Variants in PTPN2 observed in about 807,000 individuals in gnomAD.
The protein encoded by PTPN2 is protein tyrosine phosphatase non-receptor type 2, also known as tyrosine-protein phosphatase non-receptor type 2.
Under a neutral mutation model 57.3 loss-of-function variants are expected in PTPN2, and 19 were observed. That is an observed-to-expected ratio of 0.33 (90% CI 0.23 to 0.49). The LOEUF is 0.49. Among genes scored for constraint, PTPN2 ranks in the 20% least tolerant of loss-of-function variants. PTPN2 has a pLI of 0.99. For synonymous variants in PTPN2, 153 were observed against 164.9 expected (o/e 0.93, Z 0.55); for missense variants, 358 against 501.1 (o/e 0.71, Z 2.73).
In PTPN2 at chr18:12,814,241, C is replaced by T; in HGVS notation, c.820G>A (p.Glu274Lys). 6.2e-7 allele frequency: 1 copy of T among 1,604,750 alleles called. No individual in the cohort carries two copies. ...TCTCCCTTTATACATTTTGCTCCTT[C>T]TATTATAGCCATGTATGAGAATCTC... The part of the protein sequence containing the change: ...QLRFSYMAII[E>K]GAKCIKGDSS... The change falls in exon 7 of 9, where the codon GAA becomes AAA. Residue 274 changes from glutamate (E) to lysine (K), a missense_variant. Glu to Lys is a moderately conservative substitution (Grantham distance 56, BLOSUM62 1). Transcript: ENST00000309660.
At chr18:12,867,442 GTAC>G (rs2044032478) in intron 1 of PTPN2, among the ~76,000 whole-genome samples, 2 of 151,964 alleles carry the variant, frequency 1.3e-5, no homozygotes, top group Non-Finnish European at 2.9e-5. Context: ...AACAGTATCA[GTAC>G]TTTTTTTTTT....
At chr18:12,822,344 C>G (rs1364370801) in intron 5 of PTPN2, among the ~76,000 whole-genome samples, 1 of 152,030 alleles carries the variant, frequency 6.6e-6, no homozygotes, top group East Asian at 1.9e-4. Flanking sequence ...TAAAGCGGGC[C>G]AACATTACAG....
Position 12,872,516 on chromosome 18 carries a change from CA to C in PTPN2, c.69+11556del, listed in dbSNP as rs536126416. ...CCATTCCTCTCGTTTGAAAAGTATCCAACCTTGAGCCAGTTTCTTTGTTTTG... is the reference window on the plus strand; with the variant it reads ...CCATTCCTCTCGTTTGAAAAGTATCCACCTTGAGCCAGTTTCTTTGTTTTG... On this transcript the variant is annotated intron_variant, in intron 1 of 8. Transcript: ENST00000309660. 5.6e-4 allele frequency among the ~76,000 whole-genome samples: 85 copies of C among 152,244 alleles called. 1 individual carries two copies. The highest frequency in any genetic ancestry group is 1.0e-3 in the Non-Finnish European group (68 of 68,022).
At chr18:12,855,295 G>A (rs2043547309) in intron 2 of PTPN2, among the ~76,000 whole-genome samples, 1 of 152,010 alleles carries the variant, frequency 6.6e-6, no homozygotes, top group South Asian at 2.1e-4. Context: ...TGGGGGCTGG[G>A]GTAGGATATA....
At chr18:12,791,948 G>A (rs2040995842), downstream of PTPN2, among the ~76,000 whole-genome samples, 1 of 152,220 alleles carries the variant, frequency 6.6e-6, no homozygotes, top group Non-Finnish European at 1.5e-5. Context: ...GTGACTTGCA[G>A]AGTAACATAA....
intron 5 of PTPN2, among the ~76,000 whole-genome samples, chr18:12,822,015 G>C (rs763637382): frequency 2.0e-5 from 3 of 152,134 alleles, no homozygotes; most frequent in Non-Finnish European, 4.4e-5. Flanking sequence ...GATTTACATA[G>C]AGAGATGTAT....
intron 7 of PTPN2, among the ~76,000 whole-genome samples, chr18:12,809,500 G>C (rs1389113545): frequency 6.6e-6 from 1 of 152,220 alleles, no homozygotes; most frequent in African/African-American, 2.4e-5. Flanking sequence ...GTATCTGCCA[G>C]TGGCAAGTGG....
At chr18:12,828,369 A>G (rs2145363524) in intron 4 of PTPN2, among the ~76,000 whole-genome samples, 1 of 152,348 alleles carries the variant, frequency 6.6e-6, no homozygotes, top group South Asian at 2.1e-4. Flanking sequence ...CAAGAGATGT[A>G]AGGGAGAGAC....
chr18:12,850,308 C>T (rs1161117945), intron 2 of PTPN2, among the ~76,000 whole-genome samples: 1 of 151,962 alleles, frequency 6.6e-6, no homozygotes, highest in Admixed American at 6.6e-5. Flanking sequence ...CTGGCCAACA[C>T]AGTGAAACTG....
At chr18:12,806,221 T>C (rs2041645192) in intron 7 of PTPN2, among the ~76,000 whole-genome samples, 1 of 152,056 alleles carries the variant, frequency 6.6e-6, no homozygotes, top group Non-Finnish European at 1.5e-5. Context: ...AATTCCATTT[T>C]CAAAAAAATT....
intron 4 of PTPN2, among the ~76,000 whole-genome samples, chr18:12,826,865 G>A (rs754872424): frequency 1.8e-4 from 28 of 151,786 alleles, no homozygotes; most frequent in Admixed American, 2.0e-4. Context: ...CACCATGTCC[G>A]GTCTTATAAG....
intron 2 of PTPN2, among the ~76,000 whole-genome samples, chr18:12,843,270 T>C (rs1422959251): frequency 6.6e-6 from 1 of 152,154 alleles, no homozygotes; most frequent in East Asian, 1.9e-4. Context: ...TCAAAATCAG[T>C]GGCTCGAATG....
chr18:12,847,340 T>C (rs2043244466), intron 2 of PTPN2, among the ~76,000 whole-genome samples: 1 of 152,242 alleles, frequency 6.6e-6, no homozygotes, highest in African/African-American at 2.4e-5. Flanking sequence ...TAACCTGATA[T>C]TCACCAGTGC....
At chr18:12,847,216 T>A (rs1401686352) in intron 2 of PTPN2, among the ~76,000 whole-genome samples, 2 of 152,198 alleles carry the variant, frequency 1.3e-5, no homozygotes, top group African/African-American at 4.8e-5. Context: ...ACAAATATTC[T>A]CTAGAAGATC....
intron 2 of PTPN2, among the ~76,000 whole-genome samples, chr18:12,847,384 T>C (rs1488318300): frequency 6.6e-6 from 1 of 152,212 alleles, no homozygotes; most frequent in African/African-American, 2.4e-5. Flanking sequence ...TTCTATATTT[T>C]GGGCTTAACA....
At position 12,794,299 on chromosome 18, in the gene PTPN2, A is replaced by C; in HGVS notation, c.1227T>G (p.Phe409Leu). 2.5e-6 allele frequency: 4 copies of C among 1,614,238 alleles called. No individual in the cohort carries two copies. Among genetic ancestry groups the C allele is most frequent in the Non-Finnish European group, 3.4e-6 (4 of 1,180,044 alleles). Reference protein sequence around the residue: ...LVGAFVGWTLFFQQNAL With the variant: ...LVGAFVGWTLLFQQNAL ...TTGTTTATAGGGCATTTTGCTGAAA[A>C]AACAGTGTCCAGCCAACAAAAGCGC... Residue 409 changes from phenylalanine to leucine, a missense_variant, in exon 9 of 9, where the codon TTT becomes TTG. By Grantham distance (22) the Phe-to-Leu change is conservative. This residue lies in a region of PTPN2 where 96 missense variants were observed against 110.8 expected (regional missense o/e 0.87). Transcript: ENST00000309660.
At chr18:12,828,099 A>T (rs2042542089) in intron 4 of PTPN2, among the ~76,000 whole-genome samples, 1 of 152,204 alleles carries the variant, frequency 6.6e-6, no homozygotes, top group Non-Finnish European at 1.5e-5. Flanking sequence ...CTTTGGTGGA[A>T]TACCAGAAGG....
intron 1 of PTPN2, among the ~76,000 whole-genome samples, chr18:12,870,495 A>G (rs1321195322): frequency 5.2e-5 from 5 of 95,892 alleles, no homozygotes; most frequent in Non-Finnish European, 5.6e-5. Context: ...AGAGAGAGAG[A>G]GAGAAAAGCG....
At chr18:12,812,398 G>C (rs921446965) in intron 7 of PTPN2, among the ~76,000 whole-genome samples, 1 of 152,142 alleles carries the variant, frequency 6.6e-6, no homozygotes, top group Non-Finnish European at 1.5e-5. Context: ...TCAGGAGTTC[G>C]AGACCAGCCT....
Sources: gnomAD v4.1 joint callset for allele counts (sites outside exome capture counted in the v4.1 genomes callset) on GRCh38, gnomAD v4.1.1 for gene constraint, gnomAD v4.1.1 regional missense constraint, MANE v1.5 for transcripts, NCBI Gene and HGNC (gene_info 2026-07-23, HGNC 2026-07-21) for gene names.